SRD5A2: variants seen among roughly 807,000 people sequenced by gnomAD.
SRD5A2 encodes the protein steroid 5 alpha-reductase 2, also known as 3-oxo-5-alpha-steroid 4-dehydrogenase 2.
SRD5A2 carries 30 observed loss-of-function variants against 27.4 expected under a neutral mutation model. That is an observed-to-expected ratio of 1.10 (90% CI 0.82 to 1.49). The LOEUF (loss-of-function observed/expected upper bound fraction) is 1.49. Among genes scored for constraint, SRD5A2 ranks in the 40% most tolerant of loss-of-function variants. The probability of loss-of-function intolerance (pLI) is 0.00; values close to 1 mark genes in which losing one functional copy is unlikely to be tolerated. For missense variants in SRD5A2, 348 were observed against 323.4 expected, an observed-to-expected ratio of 1.08 and a Z score of -0.58; for synonymous variants, 141 against 133.6, an observed-to-expected ratio of 1.06 and a Z score of -0.38.
chr2:31,581,739 G>C (rs886583913), upstream of SRD5A2, among the ~76,000 whole-genome samples: 1 of 152,100 alleles, frequency 6.6e-6, no homozygotes, highest in Non-Finnish European at 1.5e-5. Flanking sequence ...CCAGACTCAG[G>C]CTAAAGTCTA....
At chr2:31,603,191 A>T in the SRD5A2 span, among the ~76,000 whole-genome samples, 2 of 152,104 alleles carry the variant, frequency 1.3e-5, no homozygotes, top group African/African-American at 4.8e-5. Flanking sequence ...AATATTCAGC[A>T]TCTACAATGA....
intron 2 of SRD5A2, 113 bp downstream of exon 2, chr2:31,533,489 AG>A: frequency 1.1e-6 from 1 of 920,322 alleles, no homozygotes; most frequent in Non-Finnish European, 1.7e-6. Flanking sequence ...GAGGTGAGGG[AG>A]GGGAAGATGG....
chr2:31,526,183 T>A lies in SRD5A2; in HGVS notation c.*13A>T. 1 of 1,554,826 alleles carries A rather than the reference T, an allele frequency of 6.4e-7. No individual in the cohort carries two copies. Among genetic ancestry groups the A allele is most frequent in the Non-Finnish European group, 8.8e-7 (1 of 1,141,308 alleles). On this transcript the variant is annotated 3_prime_UTR_variant, in exon 5 of 5. Coordinates refer to ENST00000622030, the MANE Select transcript of SRD5A2 (RefSeq NM_000348.4). ...GCATTGTGGGAGCTCTGCTCCTTTT[T>A]AATTTGGTTCCTTTAAAAGATGAAT...
the SRD5A2 span, among the ~76,000 whole-genome samples, chr2:31,636,623 T>C: frequency 6.6e-6 from 1 of 152,108 alleles, no homozygotes; most frequent in South Asian, 2.1e-4. Flanking sequence ...TTGTCATATG[T>C]GGCCTTTTCT....
the SRD5A2 span, among the ~76,000 whole-genome samples, chr2:31,617,463 C>A: frequency 6.6e-6 from 1 of 152,192 alleles, no homozygotes; most frequent in Non-Finnish European, 1.5e-5. Context: ...TAACATTTGG[C>A]TCCTCATTAC....
chr2:31,571,587 T>A (rs959498427), intron 1 of SRD5A2, among the ~76,000 whole-genome samples: 1 of 152,136 alleles, frequency 6.6e-6, no homozygotes, highest in Admixed American at 6.5e-5. Flanking sequence ...ACATGCAACT[T>A]ACAGAATGGG....
the SRD5A2 span, among the ~76,000 whole-genome samples, chr2:31,609,122 T>C: frequency 1.3e-5 from 2 of 152,108 alleles, no homozygotes; most frequent in Non-Finnish European, 2.9e-5. Flanking sequence ...TCATCTTGGA[T>C]TTCCACTCTC....
At chr2:31,624,312 T>TA in the SRD5A2 span, among the ~76,000 whole-genome samples, 1 of 152,110 alleles carries the variant, frequency 6.6e-6, no homozygotes, top group African/African-American at 2.4e-5. Context: ...TGCTAGCAAA[T>TA]ACTAGGTTTT....
the SRD5A2 span, among the ~76,000 whole-genome samples, chr2:31,638,547 T>C: frequency 6.6e-6 from 1 of 152,076 alleles, no homozygotes; most frequent in East Asian, 1.9e-4. Context: ...ATTATTGTAT[T>C]CCAGTCTATT....
At chr2:31,582,224 C>T (rs187551952), upstream of SRD5A2, among the ~76,000 whole-genome samples, 5 of 152,258 alleles carry the variant, frequency 3.3e-5, no homozygotes, top group East Asian at 1.9e-4. Flanking sequence ...CTTCAACTCA[C>T]GCCTCCCAGG....
the SRD5A2 span, among the ~76,000 whole-genome samples, chr2:31,638,990 TC>T: frequency 3.3e-5 from 5 of 152,050 alleles, no homozygotes; most frequent in Non-Finnish European, 7.4e-5. Context: ...ACATCTCTCT[TC>T]CCCCCTTCTT....
At chr2:31,591,982 A>C in the SRD5A2 span, among the ~76,000 whole-genome samples, 1 of 149,360 alleles carries the variant, frequency 6.7e-6, no homozygotes, top group East Asian at 2.0e-4. Flanking sequence ...GATATACCTA[A>C]TGTTAAATGA....
At chr2:31,545,419 C>G (rs971866199) in intron 1 of SRD5A2, among the ~76,000 whole-genome samples, 1 of 152,000 alleles carries the variant, frequency 6.6e-6, no homozygotes, top group African/African-American at 2.4e-5. Flanking sequence ...AAGGATAACT[C>G]AAAATACAAA....
chr2:31,620,297 C>A, the SRD5A2 span, among the ~76,000 whole-genome samples: 1 of 152,074 alleles, frequency 6.6e-6, no homozygotes, highest in Non-Finnish European at 1.5e-5. Context: ...TGCCCTCACT[C>A]ACCATTCCTA....
At chr2:31,609,143 A>C in the SRD5A2 span, among the ~76,000 whole-genome samples, 1 of 152,230 alleles carries the variant, frequency 6.6e-6, no homozygotes, top group South Asian at 2.1e-4. Context: ...TAGAATGTGA[A>C]AAATAAATTC....
chr2:31,577,880 G>T (rs1666991641), intron 1 of SRD5A2, among the ~76,000 whole-genome samples: 1 of 152,092 alleles, frequency 6.6e-6, no homozygotes, highest in South Asian at 2.1e-4. Flanking sequence ...CCTTTGAAAA[G>T]AATTTAGATG....
the SRD5A2 span, among the ~76,000 whole-genome samples, chr2:31,630,776 C>T: frequency 6.6e-6 from 1 of 152,156 alleles, no homozygotes; most frequent in Admixed American, 6.5e-5. Context: ...GGTGATTTAA[C>T]ATTAACCACT....
chr2:31,529,561 TGG>T, intron 3 of SRD5A2, 104 bp from the exon 4 acceptor site: 1 of 1,466,352 alleles, frequency 6.8e-7, no homozygotes, highest in East Asian at 2.5e-5. Context: ...AGAACAAATG[TGG>T]GGCTGGAGGC....
chr2:31,571,883 T>G (rs1290946737), intron 1 of SRD5A2, among the ~76,000 whole-genome samples: 2 of 152,108 alleles, frequency 1.3e-5, no homozygotes, highest in Non-Finnish European at 2.9e-5. Flanking sequence ...GCTGGCAAGG[T>G]TATGGAGAAA....
Sources: allele counts gnomAD v4.1 joint callset (sites outside exome capture counted in the v4.1 genomes callset), GRCh38; gene constraint gnomAD v4.1.1; transcripts MANE v1.5; gene names NCBI Gene and HGNC (gene_info 2026-07-23, HGNC 2026-07-21).